The following MAML3 variants were observed in gnomAD, a reference collection of about 807,000 sequenced individuals.
MAML3 encodes the protein mastermind like transcriptional coactivator 3, also known as mastermind-like protein 3.
MAML3 carries 27 observed loss-of-function variants against 101.9 expected under a neutral mutation model. That is an observed-to-expected ratio of 0.27 (90% CI 0.20 to 0.37). The LOEUF (loss-of-function observed/expected upper bound fraction) is 0.37. Ranked by LOEUF, MAML3 falls within the 10% of genes least tolerant of loss-of-function variation. MAML3 has a pLI of 1.00. For missense variants in MAML3, 1,316 were observed against 1,444.9 expected (o/e 0.91, Z 1.45); for synonymous variants, 501 against 555.9 (o/e 0.90, Z 1.39).
At chr4:139,763,758 T>C (rs1239305130) in intron 2 of MAML3, among the ~76,000 whole-genome samples, 1 of 152,206 alleles carries the variant, frequency 6.6e-6, no homozygotes, top group South Asian at 2.1e-4. Flanking sequence ...TATCTCTGCA[T>C]GTTCAGAAAT....
chr4:140,015,944 C>T (rs992037124), intron 1 of MAML3, among the ~76,000 whole-genome samples: 15 of 151,970 alleles, frequency 9.9e-5, no homozygotes, highest in Non-Finnish European at 1.5e-4. Context: ...CAGAGCAAGA[C>T]GCCATCTCAA....
intron 2 of MAML3, among the ~76,000 whole-genome samples, chr4:139,879,726 T>C: frequency 6.7e-3 from 1 of 150 alleles, no homozygotes; most frequent in East Asian, 0.12. Flanking sequence ...GGAATCTGAT[T>C]GATTACCTGC....
intron 1 of MAML3, among the ~76,000 whole-genome samples, chr4:140,074,251 AAG>A (rs1245585746): frequency 6.7e-6 from 1 of 149,748 alleles, no homozygotes; most frequent in Non-Finnish European, 1.5e-5. Context: ...GAAAGAAAGA[AAG>A]AAAGAAAGAG....
chr4:139,952,766 A>T (rs1214714019), intron 1 of MAML3, among the ~76,000 whole-genome samples: 1 of 152,202 alleles, frequency 6.6e-6, no homozygotes, highest in Non-Finnish European at 1.5e-5. Flanking sequence ...GACAGAAATG[A>T]TGTGTGCCAT....
chr4:139,744,229 G>C (rs2111028874), intron 2 of MAML3, among the ~76,000 whole-genome samples: 1 of 152,320 alleles, frequency 6.6e-6, no homozygotes, highest in Middle Eastern at 3.4e-3. Flanking sequence ...CAGGGATCTG[G>C]TTTGAGAACA....
At chr4:139,966,247 G>A (rs911213423) in intron 1 of MAML3, among the ~76,000 whole-genome samples, 2 of 152,014 alleles carry the variant, frequency 1.3e-5, no homozygotes, top group African/African-American at 2.4e-5. Flanking sequence ...TTAACTCTTC[G>A]AAAATGAATC....
At chr4:140,034,353 T>G (rs1456191383) in intron 1 of MAML3, among the ~76,000 whole-genome samples, 2 of 152,216 alleles carry the variant, frequency 1.3e-5, no homozygotes, top group South Asian at 2.1e-4. Flanking sequence ...ACTTAGAAAT[T>G]TAAACTCTTA....
At chr4:140,056,003 G>A (rs1425226021) in intron 1 of MAML3, among the ~76,000 whole-genome samples, 1 of 152,226 alleles carries the variant, frequency 6.6e-6, no homozygotes, top group East Asian at 1.9e-4. Context: ...AGGGGAAAAT[G>A]AGGCAAGATG....
intron 2 of MAML3, among the ~76,000 whole-genome samples, chr4:139,820,050 A>G (rs915948887): frequency 6.6e-5 from 10 of 152,130 alleles, no homozygotes; most frequent in Non-Finnish European, 1.5e-4. Flanking sequence ...TGCCTCCCTT[A>G]TCCATATGAC....
At position 139,889,386 on chromosome 4, in the gene MAML3, C is replaced by A. The variant is rs751068923; in HGVS notation, c.2050G>T (p.Ala684Ser). 6.2e-7 allele frequency: 1 copy of A among 1,614,022 alleles called. No homozygotes were observed. The highest frequency in any genetic ancestry group is 1.1e-5 in the South Asian group (1 of 91,078). Residue 684 changes from alanine to serine, a missense_variant, in exon 2 of 5, where the codon GCT (alanine) becomes TCT (serine). Physicochemically the swap from Ala to Ser is moderately conservative, Grantham distance 99 (BLOSUM62 1). Transcript: ENST00000509479. ...CCGTGGGATGGAAGTGCAGCGTAAGCCATGGGCTGATTCATCACTCCTTTC... is the reference window on the plus strand; with the variant it reads ...CCGTGGGATGGAAGTGCAGCGTAAGACATGGGCTGATTCATCACTCCTTTC... ...KQKGVMNQPM[A>S]YAALPSHGQE...
At chr4:140,063,667 A>C (rs567017354) in intron 1 of MAML3, among the ~76,000 whole-genome samples, 68 of 152,302 alleles carry the variant, frequency 4.5e-4, no homozygotes, top group African/African-American at 1.5e-3. Flanking sequence ...TCTTATTTGC[A>C]GACATCATGA....
rs574900162 is a variant in MAML3, at chr4:139,903,340, G to A, written c.469-12373C>T. 4.6e-5 allele frequency among the ~76,000 whole-genome samples: 7 copies of A among 152,260 alleles called. No individual in the cohort carries two copies. The South Asian group carries it at 1.0e-3, about 23-fold the overall frequency. On this transcript the variant is annotated intron_variant, in intron 1 of 4. Transcript: ENST00000509479. Reference sequence around the variant, plus strand: ...CCAGGACTTTATTCTTGGGGCTGTAGAATTCCCAATATAATAGCCTACTCC... The same window carrying A: ...CCAGGACTTTATTCTTGGGGCTGTAAAATTCCCAATATAATAGCCTACTCC...
At chr4:139,733,315 A>AT (rs895080310) in intron 2 of MAML3, among the ~76,000 whole-genome samples, 2 of 152,118 alleles carry the variant, frequency 1.3e-5, no homozygotes, top group African/African-American at 2.4e-5. Flanking sequence ...CTTCAGCTTG[A>AT]TTTTTTGAGA....
At chr4:139,891,182 GA>G (rs1732489877) in intron 1 of MAML3, among the ~76,000 whole-genome samples, 2 of 152,224 alleles carry the variant, frequency 1.3e-5, no homozygotes, top group Admixed American at 1.3e-4. Flanking sequence ...CTAAGAGATA[GA>G]AAACAAACAA....
At chr4:140,014,024 A>G (rs1405320398) in intron 1 of MAML3, among the ~76,000 whole-genome samples, 2 of 152,234 alleles carry the variant, frequency 1.3e-5, no homozygotes, top group East Asian at 3.8e-4. Context: ...GGCAAAGCCA[A>G]TCGCTGCAGG....
intron 1 of MAML3, among the ~76,000 whole-genome samples, chr4:140,025,448 A>T (rs1266033551): frequency 6.6e-6 from 1 of 152,184 alleles, no homozygotes; most frequent in Non-Finnish European, 1.5e-5. Context: ...GACAATTTTC[A>T]TGATAGAGTA....
At chr4:139,902,263 G>GCGCGCGCGCA (rs1182551411) in intron 1 of MAML3, among the ~76,000 whole-genome samples, 12 of 63,944 alleles carry the variant, frequency 1.9e-4, no homozygotes, top group African/African-American at 3.6e-4. Flanking sequence ...GCACACACAC[G>GCGCGCGCGCA]CACACACACA....
intron 1 of MAML3, among the ~76,000 whole-genome samples, chr4:140,086,149 T>C (rs1196963272): frequency 6.6e-6 from 1 of 152,246 alleles, no homozygotes. Flanking sequence ...TCTCTGTACA[T>C]ATACATAAAA....
At chr4:139,746,533 G>C (rs1351702100) in intron 2 of MAML3, among the ~76,000 whole-genome samples, 4 of 152,162 alleles carry the variant, frequency 2.6e-5, no homozygotes, top group African/African-American at 9.7e-5. Context: ...CTGGAAAATG[G>C]ATTGCTTCAC....
Sources: gnomAD v4.1 joint callset for allele counts (sites outside exome capture counted in the v4.1 genomes callset) on GRCh38, gnomAD v4.1.1 for gene constraint, MANE v1.5 for transcripts, NCBI Gene and HGNC (gene_info 2026-07-23, HGNC 2026-07-21) for gene names.